Variants in CARS2 observed in about 807,000 individuals in gnomAD.
The protein encoded by CARS2 is cysteinyl-tRNA synthetase 2, mitochondrial.
CARS2 carries 52 observed loss-of-function variants against 68.8 expected under a neutral mutation model. That is an observed-to-expected ratio of 0.76 (90% CI 0.61 to 0.95). The LOEUF (loss-of-function observed/expected upper bound fraction) is 0.95, where lower values mean the gene tolerates loss of function less well. CARS2 is among the 40% of genes least tolerant of loss of function. The probability of loss-of-function intolerance (pLI) is 0.00; values close to 1 mark genes in which losing one functional copy is unlikely to be tolerated. For synonymous variants in CARS2, 314 were observed against 303.6 expected, an observed-to-expected ratio of 1.03 and a Z score of -0.36; for missense variants, 780 against 754.2, an observed-to-expected ratio of 1.03 and a Z score of -0.40.
In CARS2 at chr13:110,705,698, T is replaced by A. The variant is rs763636326; in HGVS notation, c.225-127A>T. 1 of 1,509,710 alleles carries A rather than the reference T, an allele frequency of 6.6e-7. No homozygotes were observed. The highest frequency in any genetic ancestry group is 2.5e-5 in the East Asian group (1 of 40,814). 93.5% of individuals were successfully genotyped at this position (1,509,710 alleles called of 1,614,324 possible). On this transcript the variant is annotated intron_variant, in intron 1 of 14. Transcript: ENST00000257347. This position sits in a 1 kb window ranked among gnomAD's most constrained non-coding sequence, Gnocchi z 4.0. ...GGGGGATGAATAGCCGGGGTTTTCATACTTGCTCAATTCACACCCAAACCT... is the reference window on the plus strand; with the variant it reads ...GGGGGATGAATAGCCGGGGTTTTCAAACTTGCTCAATTCACACCCAAACCT...
intron 8 of CARS2, chr13:110,663,787 G>C (rs1178030913): frequency 1.6e-6 from 2 of 1,235,924 alleles, no homozygotes; most frequent in Non-Finnish European, 2.0e-6. Flanking sequence ...AGCTAAACAA[G>C]AGCCAGCAAC....
In CARS2 at chr13:110,665,570, GCC is replaced by G. The variant is rs1422229410; in HGVS notation, c.919+1768_919+1769del. 8 of 985,182 alleles carry G rather than the reference GCC, an allele frequency of 8.1e-6. No homozygotes were observed. In the African/African-American group the frequency reaches 1.4e-4, roughly 17 times the overall value. The allele number at this position is 985,182 out of a possible 1,614,324, so 61.0% of individuals were successfully genotyped here. A position where few individuals can be genotyped will look rare whatever the true frequency, so the allele number is the denominator to read the frequency against. On this transcript the variant is annotated intron_variant, in intron 8 of 14. Transcript: ENST00000257347. The surrounding 1 kb of genome is among the most constrained non-coding windows in gnomAD (Gnocchi z 4.3). ...TGGCACAGCTAAGGCTGCCCTTCTT[GCC>G]CCCCAGCTCCACACTCGCAGAAGGG... is the stretch of plus-strand genomic sequence containing the variant.
At chr13:110,712,081 A>G (rs1416203206) in intron 1 of CARS2, among the ~76,000 whole-genome samples, 1 of 152,240 alleles carries the variant, frequency 6.6e-6, no homozygotes, top group Non-Finnish European at 1.5e-5. Context: ...GCAACAGGAT[A>G]AACCCGGTGG....
chr13:110,666,463 G>C (rs1360436929), intron 8 of CARS2: 1 of 985,198 alleles, frequency 1.0e-6, no homozygotes, highest in African/African-American at 1.7e-5. Flanking sequence ...GTAATGGTAG[G>C]GGCAGAGCCG....
intron 7 of CARS2, among the ~76,000 whole-genome samples, chr13:110,669,999 C>T (rs565633569): frequency 2.6e-5 from 4 of 152,274 alleles, no homozygotes; most frequent in South Asian, 2.1e-4. Flanking sequence ...AAGGCGGCAG[C>T]GAGGCTGGGG....
chr13:110,660,857 G>A (rs2062485022), intron 9 of CARS2, among the ~76,000 whole-genome samples: 1 of 149,642 alleles, frequency 6.7e-6, no homozygotes, highest in Non-Finnish European at 1.5e-5. Context: ...CGCCTCCCAG[G>A]TTCAAGTGAT....
chr13:110,664,906 C>G (rs1040131629), intron 8 of CARS2: 8 of 756,920 alleles, frequency 1.1e-5, no homozygotes, highest in Non-Finnish European at 1.1e-5. Context: ...ACGCAGGACT[C>G]CCAGCCAGCA....
chr13:110,690,789 G>A (rs1376625832), intron 3 of CARS2, among the ~76,000 whole-genome samples: 1 of 152,234 alleles, frequency 6.6e-6, no homozygotes, highest in Non-Finnish European at 1.5e-5. Context: ...AGCAACACCT[G>A]GAGGTGTCTG....
intron 3 of CARS2, chr13:110,697,823 T>C (rs1255829125): frequency 1.6e-5 from 6 of 378,052 alleles, no homozygotes; most frequent in African/African-American, 6.4e-5. Context: ...CAAACAGCAA[T>C]TGGGAAAAGG....
intron 5 of CARS2, among the ~76,000 whole-genome samples, chr13:110,686,242 CTTT>C (rs60668690): frequency 1.7e-3 from 226 of 136,190 alleles, no homozygotes; most frequent in Non-Finnish European, 2.0e-3. Context: ...GCAACTCACG[CTTT>C]TTTTTTTTTT....
chr13:110,687,920 G>A (rs898994468), intron 4 of CARS2, 27 bp downstream of exon 4: 20 of 1,593,182 alleles, frequency 1.3e-5, no homozygotes, highest in Non-Finnish European at 1.5e-5. Context: ...CACCCTCATG[G>A]CAGGAACAAC....
upstream of CARS2, chr13:110,706,143 A>G: frequency 8.1e-7 from 1 of 1,233,244 alleles, no homozygotes; most frequent in South Asian, 2.5e-5. Context: ...CACGCCGGGT[A>G]CGCTGCCGGT....
rs937914986 is a variant in CARS2 at position 110,680,362 on chromosome 13, C to T, written c.655+2689G>A. Among the ~76,000 whole-genome samples the T allele has an allele frequency of 3.9e-5, 6 of 152,150 alleles. No homozygotes were observed. In the South Asian group the frequency reaches 1.0e-3, roughly 26 times the overall value. ...GAACCGAGATCATGCCACTGCACTC[C>T]AGCCTGGGCAAAAGAGTGAGATTCC... On this transcript the variant is annotated intron_variant, in intron 6 of 14. Coordinates refer to ENST00000257347, the MANE Select transcript of CARS2 (RefSeq NM_024537.4).
chr13:110,712,719 C>G (rs1466120536), intron 1 of CARS2: 1 of 694,946 alleles, frequency 1.4e-6, no homozygotes, highest in Non-Finnish European at 2.6e-6. Flanking sequence ...GGCGGCCTTT[C>G]CAAGTGTGGG....
chr13:110,643,758 C>T (rs759494181), intron 13 of CARS2: 1 of 171,366 alleles, frequency 5.8e-6, no homozygotes, highest in South Asian at 1.3e-4. Context: ...AAGAATAAGG[C>T]AGGAAACCTC....
At chr13:110,664,923 T>C (rs2062607720) in intron 8 of CARS2, 1 of 820,248 alleles carries the variant, frequency 1.2e-6, no homozygotes, top group African/African-American at 1.9e-5. Context: ...AGCAGAACTG[T>C]GAGGAATTCA....
chr13:110,646,243 C>T (rs1274808572), intron 11 of CARS2, 153 bp from the exon 12 acceptor site: 10 of 820,242 alleles, frequency 1.2e-5, no homozygotes, highest in Non-Finnish European at 1.8e-5. Flanking sequence ...TCCTGAGTAG[C>T]AGAAAATTAT....
chr13:110,650,477 G>C (rs1168862238), intron 10 of CARS2: 1 of 152,460 alleles, frequency 6.6e-6, no homozygotes, highest in Non-Finnish European at 1.5e-5. Flanking sequence ...ACATCTGCCA[G>C]CCTCGGCCTC....
At chr13:110,708,879 G>A (rs550270726), upstream of CARS2, among the ~76,000 whole-genome samples, 16 of 151,432 alleles carry the variant, frequency 1.1e-4, no homozygotes, top group South Asian at 4.2e-4. Context: ...TCAGCCTCCC[G>A]AGTAGCTGGG....
Sources: allele counts gnomAD v4.1 joint callset (sites outside exome capture counted in the v4.1 genomes callset), GRCh38; gene constraint gnomAD v4.1.1; non-coding constraint Gnocchi (gnomAD v3.1); transcripts MANE v1.5; gene names NCBI Gene and HGNC (gene_info 2026-07-23, HGNC 2026-07-21).